DTWD2: variants seen among roughly 807,000 people sequenced by gnomAD.
DTWD2 encodes the protein tRNA-uridine aminocarboxypropyltransferase 2.
In DTWD2, 39 loss-of-function variants were observed where a neutral mutation model predicts 31.8. The observed-to-expected ratio is 1.22, with a 90% CI of 0.95 to 1.60. The LOEUF (loss-of-function observed/expected upper bound fraction) is 1.60. Among genes scored for constraint, DTWD2 ranks in the 40% most tolerant of loss-of-function variants. The pLI is 0.00. For missense variants in DTWD2, 515 were observed against 381.5 expected, an observed-to-expected ratio of 1.35 and a Z score of -2.92; for synonymous variants, 180 against 142.8, an observed-to-expected ratio of 1.26 and a Z score of -1.86.
chr5:118,953,009 G>C (rs1754500281), intron 1 of DTWD2, among the ~76,000 whole-genome samples: 1 of 152,140 alleles, frequency 6.6e-6, no homozygotes, highest in South Asian at 2.1e-4. Context: ...CCCTCTAAGA[G>C]CAGAGTTTTC....
intron 4 of DTWD2, among the ~76,000 whole-genome samples, chr5:118,896,382 G>C (rs1229863868): frequency 6.6e-6 from 1 of 151,784 alleles, no homozygotes; most frequent in South Asian, 2.1e-4. Context: ...ATGTAGGTCA[G>C]ATTTTTCATT....
chr5:118,979,116 A>G (rs1353899643), intron 1 of DTWD2, among the ~76,000 whole-genome samples: 1 of 152,142 alleles, frequency 6.6e-6, no homozygotes, highest in East Asian at 1.9e-4. Flanking sequence ...CATCCTGGCT[A>G]ACATGGTGAA....
intron 3 of DTWD2, among the ~76,000 whole-genome samples, chr5:118,934,059 C>T (rs75234780): frequency 0.025 from 3,792 of 150,222 alleles, 162 homozygotes; most frequent in Admixed American, 0.11. Flanking sequence ...ATTAAAATAG[C>T]CCTGCAAAAA....
At chr5:118,873,879 C>T (rs570583268) in intron 4 of DTWD2, among the ~76,000 whole-genome samples, 10 of 152,292 alleles carry the variant, frequency 6.6e-5, no homozygotes, top group Admixed American at 6.5e-4. Context: ...TGCAACCCCT[C>T]TACTCACCCC....
chr5:118,979,784 C>T (rs550399599), intron 1 of DTWD2, among the ~76,000 whole-genome samples: 4 of 152,266 alleles, frequency 2.6e-5, no homozygotes, highest in East Asian at 1.9e-4. Context: ...CACTTATAAG[C>T]GGGAGCTGAA....
chr5:118,888,985 C>G (rs1183333620), intron 4 of DTWD2, among the ~76,000 whole-genome samples: 1 of 152,176 alleles, frequency 6.6e-6, no homozygotes, highest in East Asian at 1.9e-4. Flanking sequence ...ATTATACATT[C>G]TGAATACAAG....
chr5:118,847,267 C>T (rs533992053), intron 5 of DTWD2, among the ~76,000 whole-genome samples: 25 of 151,948 alleles, frequency 1.6e-4, no homozygotes, highest in African/African-American at 6.0e-4. Context: ...ACCTCTTTCG[C>T]GTGTGTATGT....
intron 4 of DTWD2, among the ~76,000 whole-genome samples, chr5:118,904,270 T>C (rs1394242873): frequency 6.6e-6 from 1 of 152,088 alleles, no homozygotes; most frequent in African/African-American, 2.4e-5. Flanking sequence ...CACCCACATG[T>C]TCAAAAAGTT....
chr5:118,897,798 C>T (rs1753115595), intron 4 of DTWD2, among the ~76,000 whole-genome samples: 1 of 152,130 alleles, frequency 6.6e-6, no homozygotes, highest in Non-Finnish European at 1.5e-5. Flanking sequence ...AACAAATGTA[C>T]TATGTAATAT....
intron 4 of DTWD2, among the ~76,000 whole-genome samples, chr5:118,891,660 G>A (rs1752979857): frequency 6.6e-6 from 1 of 152,094 alleles, no homozygotes; most frequent in African/African-American, 2.4e-5. Context: ...TAAACACAAA[G>A]TCATTTCACT....
intron 1 of DTWD2, among the ~76,000 whole-genome samples, chr5:118,946,261 T>G (rs898052602): frequency 6.6e-6 from 1 of 152,208 alleles, no homozygotes; most frequent in African/African-American, 2.4e-5. Context: ...TGATTTCCAA[T>G]GATTGTTCTG....
chr5:118,921,007 A>G (rs1409861761), intron 4 of DTWD2, among the ~76,000 whole-genome samples: 1 of 152,180 alleles, frequency 6.6e-6, no homozygotes, highest in Non-Finnish European at 1.5e-5. Flanking sequence ...CCCTTTTTAA[A>G]TTATCCTTTT....
chr5:118,917,829 G>C (rs185444962), intron 4 of DTWD2, among the ~76,000 whole-genome samples: 30 of 152,170 alleles, frequency 2.0e-4, no homozygotes, highest in African/African-American at 7.2e-4. Context: ...GCCAGGAGTA[G>C]TAGTGCGTGA....
At chr5:118,908,885 T>C (rs181742287) in intron 4 of DTWD2, among the ~76,000 whole-genome samples, 98 of 152,188 alleles carry the variant, frequency 6.4e-4, no homozygotes, top group African/African-American at 2.3e-3. Context: ...CAAAAAACTA[T>C]TATCCACAAA....
chr5:118,909,565 A>G (rs1753413695), intron 4 of DTWD2, among the ~76,000 whole-genome samples: 1 of 152,124 alleles, frequency 6.6e-6, no homozygotes, highest in Non-Finnish European at 1.5e-5. Context: ...ACACATGTCC[A>G]CTACCACCCC....
At chr5:118,891,100 TTTTTTACTATAAC>T (rs1752969469) in intron 4 of DTWD2, among the ~76,000 whole-genome samples, 1 of 151,242 alleles carries the variant, frequency 6.6e-6, no homozygotes, top group Non-Finnish European at 1.5e-5. Flanking sequence ...ATGGAAGAGA[TTTTTTACTATAAC>T]TTCTTTCCTC....
chr5:118,879,358 G>A (rs1464444943), intron 4 of DTWD2, among the ~76,000 whole-genome samples: 2 of 152,092 alleles, frequency 1.3e-5, no homozygotes, highest in East Asian at 3.8e-4. Context: ...TGTAATATCA[G>A]CACTTTGGGA....
chr5:118,956,069 C>G (rs533384852), intron 1 of DTWD2, among the ~76,000 whole-genome samples: 13 of 152,250 alleles, frequency 8.5e-5, no homozygotes, highest in African/African-American at 3.1e-4. Context: ...GGGCATGTCA[C>G]AGATTTTCAA....
chr5:118,971,951 T>G (rs961280749), intron 1 of DTWD2, among the ~76,000 whole-genome samples: 1 of 152,156 alleles, frequency 6.6e-6, no homozygotes, highest in Admixed American at 6.5e-5. Flanking sequence ...TGCACCAGAA[T>G]CTCTGTAACA....
Sources: allele counts gnomAD v4.1 joint callset (sites outside exome capture counted in the v4.1 genomes callset), GRCh38; gene constraint gnomAD v4.1.1; transcripts MANE v1.5; gene names NCBI Gene and HGNC (gene_info 2026-07-23, HGNC 2026-07-21).